Variants in SPTSSB observed in about 807,000 individuals in gnomAD.
SPTSSB encodes the protein androgen down regulated in mouse prostate.
A neutral mutation model predicts 7.7 loss-of-function variants in SPTSSB; 6 were observed. That is an observed-to-expected ratio of 0.78 (90% CI 0.43 to 1.54). The LOEUF (loss-of-function observed/expected upper bound fraction) is 1.54. SPTSSB is among the 40% of genes most tolerant of loss of function. SPTSSB has a pLI of 0.01. For missense variants in SPTSSB, 91 were observed against 93.0 expected (o/e 0.98, Z 0.09); for synonymous variants, 28 against 29.7 (o/e 0.94, Z 0.19).
rs138944646 is a variant in SPTSSB, at chr3:161,345,783, T to G, written c.*310A>C. The stretch of plus-strand genomic sequence containing the variant: ...TGGTAGGTCTGTTAGGAGTCTATTT[T>G]CCAGAAAAATTTTGTAGGAAATTGT... On this transcript the variant is annotated 3_prime_UTR_variant, in exon 3 of 3. Coordinates refer to ENST00000620149, the MANE Select transcript of SPTSSB (RefSeq NM_001040100.2). 615 of 250,584 alleles carry G rather than the reference T, an allele frequency of 2.5e-3. 4 individuals are homozygous for G. Among genetic ancestry groups the G allele is most frequent in the African/African-American group, 0.013 (577 of 44,154 alleles). 15.5% of individuals were successfully genotyped at this position (250,584 alleles called of 1,614,324 possible). A position where few individuals can be genotyped will look rare whatever the true frequency, so the allele number is the denominator to read the frequency against.
intron 1 of SPTSSB, among the ~76,000 whole-genome samples, chr3:161,362,508 T>C (rs747852846): frequency 6.6e-5 from 10 of 152,156 alleles, no homozygotes; most frequent in Non-Finnish European, 1.3e-4. Flanking sequence ...TTGATTATTT[T>C]AGACTCATTC....
chr3:161,357,210 G>A (rs1325094652), intron 2 of SPTSSB, among the ~76,000 whole-genome samples: 4 of 152,168 alleles, frequency 2.6e-5, no homozygotes. Context: ...AAATTCATGA[G>A]TATTCAGTGA....
intron 1 of SPTSSB, among the ~76,000 whole-genome samples, chr3:161,366,779 C>CT (rs1361366898): frequency 6.6e-6 from 1 of 152,070 alleles, no homozygotes; most frequent in East Asian, 1.9e-4. Flanking sequence ...ATTCATTTAT[C>CT]TTTTTTAAAA....
In SPTSSB at chr3:161,345,346, G is replaced by A. The variant is rs1449122801; in HGVS notation, c.*747C>T. On this transcript the variant is annotated 3_prime_UTR_variant, in exon 3 of 3. Coordinates refer to ENST00000620149, the MANE Select transcript of SPTSSB (RefSeq NM_001040100.2). ...TTTTCTCTTTTTCCCCCAGCATCAT[G>A]CAAGGCAAGGCAACACCACAAATAC... 1 of 152,444 alleles carries A rather than the reference G, an allele frequency of 6.6e-6. No individual in the cohort carries two copies. Among genetic ancestry groups the A allele is most frequent in the East Asian group, 1.9e-4 (1 of 5,192 alleles). The allele number at this position is 152,444 out of a possible 1,614,324, so 9.4% of individuals were successfully genotyped here. A position where few individuals can be genotyped will look rare whatever the true frequency, so the allele number is the denominator to read the frequency against.
At chr3:161,369,889 TA>T (rs1360718906) in intron 1 of SPTSSB, among the ~76,000 whole-genome samples, 6 of 152,212 alleles carry the variant, frequency 3.9e-5, no homozygotes, top group African/African-American at 1.4e-4. Context: ...CTTACTGAAA[TA>T]TAAGAGATTG....
At chr3:161,354,942 G>A (rs914720650) in intron 2 of SPTSSB, among the ~76,000 whole-genome samples, 1 of 152,142 alleles carries the variant, frequency 6.6e-6, no homozygotes, top group Non-Finnish European at 1.5e-5. Flanking sequence ...GTATTGTGTG[G>A]CTATCAAAAA....
chr3:161,356,614 A>T (rs939787396), intron 2 of SPTSSB, among the ~76,000 whole-genome samples: 12 of 152,260 alleles, frequency 7.9e-5, no homozygotes, highest in South Asian at 4.1e-4. Flanking sequence ...ACAACTTTTT[A>T]AAAAAACATA....
chr3:161,370,906 A>G (rs913945279), intron 1 of SPTSSB, among the ~76,000 whole-genome samples: 6 of 152,236 alleles, frequency 3.9e-5, no homozygotes, highest in African/African-American at 1.4e-4. Flanking sequence ...ATAAAGGATG[A>G]CTTAAGTATC....
Position 161,345,486 on chromosome 3 carries a change from G to T in SPTSSB, c.*607C>A, listed in dbSNP as rs1395170975. Reference sequence around the variant, plus strand: ...ATTGTTGATTTTAAACGGTTATAAAGCCAGACTTTAAGAAGCATTTAAAAC... The same window carrying T: ...ATTGTTGATTTTAAACGGTTATAAATCCAGACTTTAAGAAGCATTTAAAAC... On this transcript the variant is annotated 3_prime_UTR_variant, in exon 3 of 3. Transcript: ENST00000620149. 1 of 152,510 alleles carries T rather than the reference G, an allele frequency of 6.6e-6. No homozygotes were observed. The highest frequency in any genetic ancestry group is 1.5e-5 in the Non-Finnish European group (1 of 68,030). The allele number at this position is 152,510 out of a possible 1,614,324, so 9.4% of individuals were successfully genotyped here. A position where few individuals can be genotyped will look rare whatever the true frequency, so the allele number is the denominator to read the frequency against.
intron 1 of SPTSSB, among the ~76,000 whole-genome samples, chr3:161,369,286 T>TTTC (rs1715362240): frequency 3.6e-5 from 4 of 110,368 alleles, no homozygotes; most frequent in Non-Finnish European, 6.8e-5. Flanking sequence ...TCTTTCTTTC[T>TTTC]TTTCTTTCTT....
intron 2 of SPTSSB, among the ~76,000 whole-genome samples, chr3:161,356,398 T>C (rs1224174079): frequency 6.6e-6 from 1 of 152,208 alleles, no homozygotes; most frequent in Non-Finnish European, 1.5e-5. Context: ...CAACTGAAGA[T>C]TTTTATCCAG....
chr3:161,346,546 A>G (rs939407801), intron 2 of SPTSSB, among the ~76,000 whole-genome samples, 191 bp from the exon 3 acceptor site: 1 of 152,166 alleles, frequency 6.6e-6, no homozygotes, highest in African/African-American at 2.4e-5. Context: ...TGTCACCACT[A>G]CTAATAATCA....
intron 1 of SPTSSB, 130 bp downstream of exon 1, chr3:161,371,305 A>T: frequency 1.7e-6 from 1 of 574,636 alleles, no homozygotes; most frequent in Non-Finnish European, 2.2e-6. Flanking sequence ...TGAAAATTGT[A>T]ATGCAGTTAA....
At chr3:161,365,941 T>C (rs1351958673) in intron 1 of SPTSSB, among the ~76,000 whole-genome samples, 2 of 152,140 alleles carry the variant, frequency 1.3e-5, no homozygotes, top group Middle Eastern at 3.2e-3. Flanking sequence ...GGTTGCTTTT[T>C]CCCTCTTTTT....
At chr3:161,365,324 T>C (rs1165101823) in intron 1 of SPTSSB, among the ~76,000 whole-genome samples, 1 of 152,190 alleles carries the variant, frequency 6.6e-6, no homozygotes, top group Non-Finnish European at 1.5e-5. Context: ...ATGGTCACTG[T>C]CCTTAGGCTG....
intron 2 of SPTSSB, among the ~76,000 whole-genome samples, chr3:161,356,673 AT>A (rs1311428961): frequency 3.3e-5 from 5 of 152,282 alleles, no homozygotes; most frequent in African/African-American, 1.2e-4. Context: ...TTATTACATT[AT>A]CTGGAAAGCT....
chr3:161,352,207 C>T (rs140865204), intron 2 of SPTSSB, among the ~76,000 whole-genome samples: 33 of 152,314 alleles, frequency 2.2e-4, no homozygotes, highest in Non-Finnish European at 4.6e-4. Context: ...AAGCCCTTCA[C>T]AGTTTCATTT....
chr3:161,350,291 C>G (rs1211793920), intron 2 of SPTSSB, among the ~76,000 whole-genome samples: 24 of 152,130 alleles, frequency 1.6e-4, no homozygotes, highest in Non-Finnish European at 2.8e-4. Flanking sequence ...ATCAGTAGCC[C>G]TCCCCCTGCC....
chr3:161,346,380 AG>A, intron 2 of SPTSSB, 25 bp from the exon 3 acceptor site: 1 of 1,189,642 alleles, frequency 8.4e-7, no homozygotes, highest in Non-Finnish European at 1.3e-6. Flanking sequence ...AACAGATTAG[AG>A]GATGAGGAAC....
Sources: gnomAD v4.1 joint callset for allele counts (sites outside exome capture counted in the v4.1 genomes callset) on GRCh38, gnomAD v4.1.1 for gene constraint, MANE v1.5 for transcripts, NCBI Gene and HGNC (gene_info 2026-07-23, HGNC 2026-07-21) for gene names.